Variants in MRGPRX3 observed in about 807,000 individuals in gnomAD.
MRGPRX3 encodes the protein mas-related G protein-coupled receptor member X3.
Under a neutral mutation model 16.5 loss-of-function variants are expected in MRGPRX3, and 14 were observed. The observed-to-expected ratio is 0.85, with a 90% CI of 0.56 to 1.33. The LOEUF (loss-of-function observed/expected upper bound fraction) is 1.33, where lower values mean the gene tolerates loss of function less well. Among genes scored for constraint, MRGPRX3 ranks in the 40% most tolerant of loss-of-function variants. MRGPRX3 has a pLI of 0.00. For missense variants in MRGPRX3, 449 were observed against 413.0 expected (o/e 1.09, Z -0.76); for synonymous variants, 199 against 180.1 (o/e 1.10, Z -0.84).
rs764193148 is a variant in MRGPRX3 at position 18,137,212 on chromosome 11, A to G, written c.10A>G (p.Thr4Ala). The part of the protein sequence containing the change: MDS[T>A]IPVLGTELTP... ...ACTGGGGTTTCTGAGCATGGATTCAACCATCCCAGTCTTGGGTACAGAACT... is the reference window on the plus strand; with the variant it reads ...ACTGGGGTTTCTGAGCATGGATTCAGCCATCCCAGTCTTGGGTACAGAACT... The change falls in exon 2 of 2, where the codon ACC becomes GCC. Residue 4 changes from threonine to alanine, a missense_variant. Transcript: ENST00000621697. The G allele has an allele frequency of 2.0e-5, 32 of 1,591,910 alleles. No homozygotes were observed. The South Asian group carries it at 2.5e-4, about 12-fold the overall frequency.
chr11:18,122,325 TA>T (rs1443088446), intron 1 of MRGPRX3, among the ~76,000 whole-genome samples: 1 of 152,194 alleles, frequency 6.6e-6, no homozygotes, highest in African/African-American at 2.4e-5. Flanking sequence ...TTACATTAGG[TA>T]TTTCTCCTAA....
intron 1 of MRGPRX3, among the ~76,000 whole-genome samples, chr11:18,135,613 C>G (rs1010006844): frequency 1.3e-5 from 2 of 152,166 alleles, no homozygotes; most frequent in Non-Finnish European, 2.9e-5. Flanking sequence ...GCACTCACCT[C>G]TATTTTTCCC....
At chr11:18,128,876 G>A (rs1322699007), upstream of MRGPRX3, among the ~76,000 whole-genome samples, 5 of 152,184 alleles carry the variant, frequency 3.3e-5, no homozygotes, top group Non-Finnish European at 7.3e-5. Context: ...TGTTGCTCAC[G>A]CTGGGAGCTG....
intron 1 of MRGPRX3, among the ~76,000 whole-genome samples, chr11:18,122,932 G>A (rs550543128): frequency 0.051 from 7,720 of 152,076 alleles, 650 homozygotes; most frequent in African/African-American, 0.18. Flanking sequence ...TTTCTCTGAT[G>A]GCCAGTGATG....
At chr11:18,123,801 T>C (rs1848863800) in intron 1 of MRGPRX3, among the ~76,000 whole-genome samples, 1 of 152,222 alleles carries the variant, frequency 6.6e-6, no homozygotes, top group African/African-American at 2.4e-5. Context: ...TTCACGATAT[T>C]GCTTCTTCCT....
At chr11:18,136,588 T>C (rs996214662) in intron 1 of MRGPRX3, among the ~76,000 whole-genome samples, 1 of 151,872 alleles carries the variant, frequency 6.6e-6, no homozygotes, top group African/African-American at 2.4e-5. Context: ...CATGCATGCA[T>C]TCCTTCATTG....
chr11:18,126,086 T>C (rs965882152), intron 1 of MRGPRX3, among the ~76,000 whole-genome samples: 1 of 152,216 alleles, frequency 6.6e-6, no homozygotes, highest in Admixed American at 6.5e-5. Context: ...TATCTGTGTC[T>C]CTGCACATTG....
At position 18,137,573 on chromosome 11, in the gene MRGPRX3, T is replaced by A. The variant is rs529319751; in HGVS notation, c.371T>A (p.Ile124Asn). 1.8e-5 allele frequency: 29 copies of A among 1,614,124 alleles called. No individual in the cohort carries two copies. Among genetic ancestry groups the A allele is most frequent in the East Asian group, 1.8e-4 (8 of 44,874 alleles). Residue 124 changes from isoleucine to asparagine, a missense_variant, in exon 2 of 2, where the codon ATC becomes AAC. By Grantham distance (149) the Ile-to-Asn change is moderately radical (BLOSUM62 -3). Transcript: ENST00000621697. The part of the protein sequence containing the change: ...SAISTERCLS[I>N]LWPIWYHCRR... ...ATCAGCACCGAGCGCTGCCTGTCCA[T>A]CCTGTGGCCCATCTGGTACCACTGC...
chr11:18,125,203 A>G (rs1418562020), intron 1 of MRGPRX3, among the ~76,000 whole-genome samples: 2 of 151,836 alleles, frequency 1.3e-5, no homozygotes, highest in African/African-American at 4.8e-5. Context: ...TTCTACTCTG[A>G]TCTTAGTTAT....
intron 1 of MRGPRX3, among the ~76,000 whole-genome samples, chr11:18,124,052 T>G (rs1411797069): frequency 2.0e-5 from 3 of 152,230 alleles, no homozygotes; most frequent in Non-Finnish European, 4.4e-5. Flanking sequence ...TCCTGAGACT[T>G]TGCTGAATTT....
chr11:18,121,442 G>C (rs1363544607), intron 1 of MRGPRX3, among the ~76,000 whole-genome samples: 2 of 152,114 alleles, frequency 1.3e-5, no homozygotes, highest in African/African-American at 4.8e-5. Flanking sequence ...CGCTCCGACC[G>C]GGAGGGAGGT....
In MRGPRX3 at chr11:18,138,123, G is replaced by A; in HGVS notation, c.921G>A (p.Trp307Ter). ...CTGAGGTGGATGAAGGTGGAGGGTG[G>A]CTTCCTCAGGAAACCCTGGAGCTGT... ...DTPEVDEGGGWLPQETLELSG... is the reference protein window; with the variant it reads ...DTPEVDEGGG Residue 307 changes from tryptophan to a stop codon, truncating the protein, a stop_gained, in exon 2 of 2, where the codon TGG (tryptophan) becomes TGA (stop). Transcript: ENST00000621697. LOFTEE classifies it high-confidence loss of function. The A allele has an allele frequency of 6.2e-7, 1 of 1,613,908 alleles. No individual in the cohort carries two copies. The highest frequency in any genetic ancestry group is 8.5e-7 in the Non-Finnish European group (1 of 1,179,956).
intron 1 of MRGPRX3, among the ~76,000 whole-genome samples, chr11:18,125,761 T>C (rs908598524): frequency 3.9e-5 from 6 of 152,196 alleles, no homozygotes; most frequent in Non-Finnish European, 2.9e-5. Flanking sequence ...TTCTGTCTTG[T>C]TGATCTATCT....
chr11:18,124,458 G>C (rs1212696457), intron 1 of MRGPRX3, among the ~76,000 whole-genome samples: 1 of 152,110 alleles, frequency 6.6e-6, no homozygotes, highest in Admixed American at 6.5e-5. Flanking sequence ...TGTGGTTTTT[G>C]TCTTTGGTTC....
chr11:18,121,454 G>A (rs1406363677), intron 1 of MRGPRX3, among the ~76,000 whole-genome samples: 4 of 151,636 alleles, frequency 2.6e-5, no homozygotes, highest in African/African-American at 9.7e-5. Context: ...GAGGGAGGTG[G>A]GGGGGTTAGC....
At position 18,137,714 on chromosome 11, in the gene MRGPRX3, T is replaced by G. The variant is rs780713039; in HGVS notation, c.512T>G (p.Val171Gly). Residue 171 changes from valine to glycine, a missense_variant, in exon 2 of 2, where the codon GTT (valine) becomes GGT (glycine). Coordinates refer to ENST00000621697, the MANE Select transcript of MRGPRX3 (RefSeq NM_001370464.1). The part of the protein sequence containing the change: ...CDFLFSGANS[V>G]WCETSDFITI... Reference sequence around the variant, plus strand: ...TTCCTGTTTAGTGGTGCTAATTCTGTTTGGTGTGAAACGTCAGATTTCATT... The same window carrying G: ...TTCCTGTTTAGTGGTGCTAATTCTGGTTGGTGTGAAACGTCAGATTTCATT... 1.1e-5 allele frequency: 17 copies of G among 1,613,968 alleles called. No homozygotes were observed. The highest frequency in any genetic ancestry group is 1.3e-5 in the African/African-American group (1 of 74,900).
upstream of MRGPRX3, among the ~76,000 whole-genome samples, chr11:18,129,073 T>C (rs887389927): frequency 3.3e-5 from 5 of 152,202 alleles, no homozygotes; most frequent in Non-Finnish European, 5.9e-5. Flanking sequence ...TTGTATTAAA[T>C]GCATACATCA....
intron 1 of MRGPRX3, among the ~76,000 whole-genome samples, chr11:18,126,444 C>T (rs189661267): frequency 1.6e-3 from 250 of 152,224 alleles, no homozygotes; most frequent in African/African-American, 5.4e-3. Flanking sequence ...TTCTCCTTCA[C>T]TTATGAAGCT....
rs144491384 is a variant in MRGPRX3 at position 18,137,620 on chromosome 11, T to G, written c.418T>G (p.Ser140Ala). 1 of 1,613,942 alleles carries G rather than the reference T, an allele frequency of 6.2e-7. No homozygotes were observed. The highest frequency in any genetic ancestry group is 8.5e-7 in the Non-Finnish European group (1 of 1,180,020). ...YHCRRPRYLSSVMCVLLWALS... is the reference protein window; with the variant it reads ...YHCRRPRYLSAVMCVLLWALS... ...CTGCCGCCGCCCCAGATACCTGTCATCAGTCATGTGTGTCCTGCTCTGGGC... is the reference window on the plus strand; with the variant it reads ...CTGCCGCCGCCCCAGATACCTGTCAGCAGTCATGTGTGTCCTGCTCTGGGC... The change falls in exon 2 of 2, where the codon TCA (serine) becomes GCA (alanine). Residue 140 changes from serine to alanine, a missense_variant. By Grantham distance (99) the Ser-to-Ala change is moderately conservative. Coordinates refer to ENST00000621697, the MANE Select transcript of MRGPRX3 (RefSeq NM_001370464.1).
Sources: gnomAD v4.1 joint callset for allele counts (sites outside exome capture counted in the v4.1 genomes callset) on GRCh38, gnomAD v4.1.1 for gene constraint, MANE v1.5 for transcripts, NCBI Gene and HGNC (gene_info 2026-07-23, HGNC 2026-07-21) for gene names.